The following SAAL1 variants were observed in gnomAD, a reference collection of about 807,000 sequenced individuals.
SAAL1 encodes the protein protein SAAL1.
A neutral mutation model predicts 59.8 loss-of-function variants in SAAL1; 42 were observed. The ratio of observed to expected loss-of-function variants is 0.70; its 90% confidence interval spans 0.55 to 0.91. The LOEUF (loss-of-function observed/expected upper bound fraction) is 0.91, where lower values mean the gene tolerates loss of function less well. Among genes scored for constraint, SAAL1 ranks in the 40% least tolerant of loss-of-function variants. The pLI is 0.00. For synonymous variants in SAAL1, 191 were observed against 194.3 expected (o/e 0.98, Z 0.14); for missense variants, 542 against 561.1 (o/e 0.97, Z 0.34).
chr11:18,094,725 C>A (rs549858512), intron 3 of SAAL1, among the ~76,000 whole-genome samples: 1 of 152,134 alleles, frequency 6.6e-6, no homozygotes, highest in South Asian at 2.1e-4. Flanking sequence ...TCAGAGACGA[C>A]AGTGAGGTGA....
At chr11:18,089,992 A>G (rs1287135773) in intron 6 of SAAL1, among the ~76,000 whole-genome samples, 183 bp downstream of exon 6, 1 of 152,212 alleles carries the variant, frequency 6.6e-6, no homozygotes, top group African/African-American at 2.4e-5. Context: ...AGGCTGTAGT[A>G]GGCTATGATC....
chr11:18,091,643 G>C (rs1034742903), intron 4 of SAAL1, among the ~76,000 whole-genome samples: 2 of 152,160 alleles, frequency 1.3e-5, no homozygotes, highest in Admixed American at 6.5e-5. Flanking sequence ...CCTTTGCCTA[G>C]AAAACTAATA....
intron 10 of SAAL1, among the ~76,000 whole-genome samples, chr11:18,082,971 A>C (rs749718451): frequency 6.6e-6 from 1 of 152,214 alleles, no homozygotes; most frequent in Non-Finnish European, 1.5e-5. Flanking sequence ...GTATGAATAA[A>C]TATATTCTTC....
chr11:18,089,204 T>C, intron 7 of SAAL1, 126 bp downstream of exon 7: 1 of 773,194 alleles, frequency 1.3e-6, no homozygotes, highest in Non-Finnish European at 1.9e-6. Context: ...TAGTAGTGAA[T>C]TAACGTAACA....
In SAAL1 at chr11:18,090,188, T is replaced by G; in HGVS notation, c.576A>C (p.Ser192=). The change falls in exon 6 of 12, where the codon TCA becomes TCC. Residue 192 remains serine, a synonymous_variant. Coordinates refer to ENST00000524803, the MANE Select transcript of SAAL1 (RefSeq NM_138421.3). The part of the protein sequence containing the change: ...AIYDSICFIM[S]SSTNVDLLVK... ...ATGATGACTTACCATTTGTTGAACT[T>G]GACATAATGAAGCAAATGCTATCAT... The G allele has an allele frequency of 6.3e-7, 1 of 1,596,032 alleles. No individual in the cohort carries two copies.
chr11:18,104,297 G>C (rs997575516), intron 1 of SAAL1, among the ~76,000 whole-genome samples: 5 of 152,170 alleles, frequency 3.3e-5, no homozygotes, highest in African/African-American at 1.2e-4. Flanking sequence ...TATCAGCAAA[G>C]TATCTTCTCT....
chr11:18,083,377 T>C (rs1590282731), intron 10 of SAAL1, 158 bp downstream of exon 10: 1 of 514,308 alleles, frequency 1.9e-6, no homozygotes. Flanking sequence ...CCACATCAGC[T>C]AGTTGTTTTT....
chr11:18,082,777 G>T (rs190783498), intron 10 of SAAL1, among the ~76,000 whole-genome samples: 7 of 151,944 alleles, frequency 4.6e-5, no homozygotes, highest in African/African-American at 1.7e-4. Flanking sequence ...GATCACAGGC[G>T]TGTGCCACCA....
At chr11:18,087,595 C>T (rs543353988) in intron 7 of SAAL1, among the ~76,000 whole-genome samples, 6 of 152,262 alleles carry the variant, frequency 3.9e-5, no homozygotes, top group Admixed American at 1.3e-4. Flanking sequence ...CGTTAAGGTC[C>T]GCTGCATCAC....
At chr11:18,087,524 T>G (rs72875782) in intron 7 of SAAL1, among the ~76,000 whole-genome samples, 3,204 of 152,320 alleles carry the variant, frequency 0.021, 54 homozygotes, top group Non-Finnish European at 0.032. Context: ...GTTGATACTT[T>G]ATCATTTTGG....
chr11:18,083,422 C>T (rs1848430762), intron 10 of SAAL1, 113 bp downstream of exon 10: 4 of 611,526 alleles, frequency 6.5e-6, no homozygotes, highest in Non-Finnish European at 1.1e-5. Context: ...TAAGATTTTA[C>T]TTTATTTTCC....
In SAAL1 at chr11:18,080,334, A is replaced by G. The variant is rs948039682; in HGVS notation, c.*65T>C. On this transcript the variant is annotated 3_prime_UTR_variant, in exon 12 of 12. Transcript: ENST00000524803. ...CTTTAGTTAATATTTCCAATAAGTC[A>G]ATTTCAACTGTCAGTGAGAAAAATA... 1 of 1,018,790 alleles carries G rather than the reference A, an allele frequency of 9.8e-7. No homozygotes were observed. Among genetic ancestry groups the G allele is most frequent in the African/African-American group, 1.6e-5 (1 of 60,872 alleles). 63.1% of individuals were successfully genotyped at this position (1,018,790 alleles called of 1,614,324 possible).
intron 10 of SAAL1, 113 bp from the exon 11 acceptor site, chr11:18,081,616 A>AT: frequency 1.3e-6 from 1 of 774,228 alleles, no homozygotes; most frequent in East Asian, 2.6e-5. Context: ...GGCATTTCAA[A>AT]TGTCCCACCT....
In SAAL1 at chr11:18,091,766, G is replaced by A. The variant is rs527371210; in HGVS notation, c.413+479C>T. On this transcript the variant is annotated intron_variant, in intron 4 of 11. Coordinates refer to ENST00000524803, the MANE Select transcript of SAAL1 (RefSeq NM_138421.3). ...GAACTTTACACATGGAGAAGAGAAC[G>A]AGCCTCGAAGCAGATATCTGAAAGT... 2.0e-5 allele frequency among the ~76,000 whole-genome samples: 3 copies of A among 152,324 alleles called. No homozygotes were observed. The South Asian group carries it at 6.2e-4, about 32-fold the overall frequency.
intron 3 of SAAL1, among the ~76,000 whole-genome samples, chr11:18,095,027 G>A (rs982339210): frequency 4.6e-5 from 7 of 152,128 alleles, no homozygotes; most frequent in Non-Finnish European, 8.8e-5. Flanking sequence ...TTCTCAGAGT[G>A]TGGCAATGCA....
rs551016465 is a variant in SAAL1, at chr11:18,097,618, G to A, written c.250-764C>T. Among the ~76,000 whole-genome samples, 10 of 152,134 alleles carry A rather than the reference G, an allele frequency of 6.6e-5. No homozygotes were observed. The South Asian group carries it at 1.9e-3, about 28-fold the overall frequency. On this transcript the variant is annotated intron_variant, in intron 2 of 11. Transcript: ENST00000524803. ...ACTTTGGGAGGCTGGTTAGAAGGCCGAGGTGGGTGGATTACTTGAGCCCAG... is the reference window on the plus strand; with the variant it reads ...ACTTTGGGAGGCTGGTTAGAAGGCCAAGGTGGGTGGATTACTTGAGCCCAG...
intron 9 of SAAL1, among the ~76,000 whole-genome samples, chr11:18,084,352 T>C (rs891286173): frequency 6.6e-6 from 1 of 152,180 alleles, no homozygotes; most frequent in Non-Finnish European, 1.5e-5. Flanking sequence ...AGCAGCCTAT[T>C]AAAGCCAGCT....
At position 18,105,944 on chromosome 11, in the gene SAAL1, T is replaced by G; in HGVS notation, c.98A>C (p.Lys33Thr). 2 of 1,607,362 alleles carry G rather than the reference T, an allele frequency of 1.2e-6. No individual in the cohort carries two copies. The highest frequency in any genetic ancestry group is 1.7e-6 in the Non-Finnish European group (2 of 1,177,482). The change falls in exon 1 of 12, where the codon AAA becomes ACA. Residue 33 changes from lysine (K) to threonine (T), a missense_variant. By Grantham distance (78) the Lys-to-Thr change is moderately conservative. Coordinates refer to ENST00000524803, the MANE Select transcript of SAAL1 (RefSeq NM_138421.3). ...GDCIGSTVYSKHWLFGVLSGL... is the reference protein window; with the variant it reads ...GDCIGSTVYSTHWLFGVLSGL... ...GCTGAGGACGCCGAAGAGCCAGTGTTTGCTGTAGACCGTGCTCCCTATGCA... is the reference window on the plus strand; with the variant it reads ...GCTGAGGACGCCGAAGAGCCAGTGTGTGCTGTAGACCGTGCTCCCTATGCA...
intron 3 of SAAL1, among the ~76,000 whole-genome samples, chr11:18,096,375 T>C (rs1380816578): frequency 6.6e-6 from 1 of 151,684 alleles, no homozygotes; most frequent in African/African-American, 2.4e-5. Context: ...AGGCCAGGAG[T>C]TCAAGACCAG....
Sources: gnomAD v4.1 joint callset for allele counts (sites outside exome capture counted in the v4.1 genomes callset) on GRCh38, gnomAD v4.1.1 for gene constraint, MANE v1.5 for transcripts, NCBI Gene and HGNC (gene_info 2026-07-23, HGNC 2026-07-21) for gene names.